The following ADGRB3 variants were observed in gnomAD, a reference collection of about 807,000 sequenced individuals.
The protein encoded by ADGRB3 is adhesion G protein-coupled receptor B3, also known as brain-specific angiogenesis inhibitor 3.
In ADGRB3, 37 loss-of-function variants were observed where a neutral mutation model predicts 193.4. The observed-to-expected ratio is 0.19, with a 90% CI of 0.15 to 0.25. ADGRB3 has a LOEUF of 0.25. ADGRB3 is among the 10% of genes least tolerant of loss of function. ADGRB3 has a pLI of 1.00. For missense variants in ADGRB3, 1,637 were observed against 1,852.9 expected, an observed-to-expected ratio of 0.88 and a Z score of 2.14; for synonymous variants, 690 against 644.2, an observed-to-expected ratio of 1.07 and a Z score of -1.08.
chr6:68,731,110 G>C (rs939353628), intron 3 of ADGRB3, among the ~76,000 whole-genome samples: 1 of 151,480 alleles, frequency 6.6e-6, no homozygotes, highest in Non-Finnish European at 1.5e-5. Flanking sequence ...AGATATATAA[G>C]TTCTTTCTTT....
intron 3 of ADGRB3, among the ~76,000 whole-genome samples, chr6:68,783,291 A>T (rs1056435189): frequency 3.5e-5 from 5 of 144,072 alleles, no homozygotes; most frequent in African/African-American, 1.3e-4. Flanking sequence ...TGCCTCCCTA[A>T]ATATATATAT....
intron 13 of ADGRB3, among the ~76,000 whole-genome samples, chr6:69,021,988 A>G (rs1770284712): frequency 7.0e-6 from 1 of 143,618 alleles, no homozygotes; most frequent in Non-Finnish European, 1.6e-5. Flanking sequence ...AAAACAGTCT[A>G]CAAACAAAGA....
intron 3 of ADGRB3, among the ~76,000 whole-genome samples, chr6:68,808,931 G>T (rs1418812480): frequency 6.6e-6 from 1 of 152,150 alleles, no homozygotes; most frequent in Non-Finnish European, 1.5e-5. Context: ...CCAAGTCAGA[G>T]TCCTTTGGGA....
intron 17 of ADGRB3, among the ~76,000 whole-genome samples, chr6:69,190,909 A>T (rs561561919): frequency 1.3e-5 from 2 of 151,978 alleles, no homozygotes; most frequent in South Asian, 2.1e-4. Flanking sequence ...CCTGAGGAAT[A>T]AGCTGTACCA....
At chr6:68,871,206 AG>A (rs1288001522) in intron 3 of ADGRB3, among the ~76,000 whole-genome samples, 1 of 152,220 alleles carries the variant, frequency 6.6e-6, no homozygotes, top group African/African-American at 2.4e-5. Flanking sequence ...AGATAGAAAA[AG>A]CATTTAAGAT....
chr6:68,689,538 G>T (rs1430200410), intron 3 of ADGRB3, among the ~76,000 whole-genome samples: 1 of 152,042 alleles, frequency 6.6e-6, no homozygotes. Flanking sequence ...CCTGGGTACA[G>T]GTTTATATTA....
intron 3 of ADGRB3, among the ~76,000 whole-genome samples, chr6:68,813,300 T>C (rs1392903371): frequency 2.0e-5 from 3 of 152,152 alleles, no homozygotes; most frequent in Non-Finnish European, 2.9e-5. Context: ...AAACCTCCTT[T>C]GCTTCCCAGT....
At chr6:69,157,292 G>C (rs555768639) in intron 17 of ADGRB3, among the ~76,000 whole-genome samples, 1 of 152,136 alleles carries the variant, frequency 6.6e-6, no homozygotes, top group African/African-American at 2.4e-5. Flanking sequence ...CATGAATATC[G>C]CAAGTGTCAT....
chr6:69,018,988 G>A (rs1215252222), intron 13 of ADGRB3, among the ~76,000 whole-genome samples: 1 of 151,956 alleles, frequency 6.6e-6, no homozygotes, highest in Non-Finnish European at 1.5e-5. Context: ...AACTTCCAGG[G>A]TTAAGATGAT....
chr6:69,205,663 C>T (rs917809079), intron 17 of ADGRB3, among the ~76,000 whole-genome samples: 6 of 152,088 alleles, frequency 3.9e-5, no homozygotes, highest in Non-Finnish European at 1.5e-5. Context: ...AGAGGGCAAA[C>T]TCTTGGGCCA....
At chr6:68,857,295 A>G (rs1346402412) in intron 3 of ADGRB3, among the ~76,000 whole-genome samples, 2 of 152,170 alleles carry the variant, frequency 1.3e-5, no homozygotes, top group South Asian at 2.1e-4. Flanking sequence ...AGATCCACTG[A>G]CAGCTTGCAT....
chr6:68,772,895 ATATATATATATATATATATATATATATAT>A (rs1766662417), intron 3 of ADGRB3, among the ~76,000 whole-genome samples: 2 of 33,350 alleles, frequency 6.0e-5, no homozygotes, highest in African/African-American at 1.1e-4. Flanking sequence ...AAAAAAAAAA[ATATATATATATATATATATATATATATAT>A]ATATATATAC....
At chr6:69,331,138 T>C (rs1446504384) in intron 23 of ADGRB3, among the ~76,000 whole-genome samples, 2 of 152,148 alleles carry the variant, frequency 1.3e-5, no homozygotes, top group Non-Finnish European at 2.9e-5. Context: ...CTCAAAAACA[T>C]CTTCAGACAT....
intron 17 of ADGRB3, among the ~76,000 whole-genome samples, chr6:69,136,423 A>G (rs191875850): frequency 1.4e-4 from 21 of 152,260 alleles, no homozygotes; most frequent in Non-Finnish European, 2.8e-4. Flanking sequence ...GCTCTTCTTT[A>G]TATGTGGAGC....
At chr6:68,985,817 A>C (rs537507578) in intron 10 of ADGRB3, among the ~76,000 whole-genome samples, 1 of 152,272 alleles carries the variant, frequency 6.6e-6, no homozygotes, top group South Asian at 2.1e-4. Context: ...AAAGTCAAGT[A>C]ATGGAAATAG....
intron 19 of ADGRB3, among the ~76,000 whole-genome samples, chr6:69,235,979 T>C (rs1242428577): frequency 6.6e-6 from 1 of 151,876 alleles, no homozygotes; most frequent in Non-Finnish European, 1.5e-5. Context: ...TTTTTAACTA[T>C]ATTAGTATAT....
At chr6:68,709,675 A>G (rs1562001668) in intron 3 of ADGRB3, among the ~76,000 whole-genome samples, 1 of 152,086 alleles carries the variant, frequency 6.6e-6, no homozygotes, top group East Asian at 1.9e-4. Flanking sequence ...AAATAGTGTC[A>G]TTTTTTTCTC....
chr6:69,013,107 G>C (rs73745914), intron 11 of ADGRB3, among the ~76,000 whole-genome samples: 6 of 152,018 alleles, frequency 3.9e-5, no homozygotes, highest in Non-Finnish European at 8.8e-5. Context: ...TCAAAGGCAC[G>C]CTGGTTGTTC....
chr6:69,307,558 G>A (rs890374804), intron 20 of ADGRB3, among the ~76,000 whole-genome samples: 3 of 151,522 alleles, frequency 2.0e-5, no homozygotes, highest in Non-Finnish European at 4.4e-5. Context: ...GACACTTTTG[G>A]AAATTCTGGG....
Sources: allele counts gnomAD v4.1 joint callset (sites outside exome capture counted in the v4.1 genomes callset), GRCh38; gene constraint gnomAD v4.1.1; transcripts MANE v1.5; gene names NCBI Gene and HGNC (gene_info 2026-07-23, HGNC 2026-07-21).